ACOD1: variants seen among roughly 807,000 people sequenced by gnomAD.
ACOD1 encodes cis-aconitate decarboxylase.
ACOD1 carries 14 observed loss-of-function variants against 14.2 expected under a neutral mutation model. The ratio of observed to expected loss-of-function variants is 0.99; its 90% CI spans 0.65 to 1.54. The LOEUF is 1.54. Among genes scored for constraint, ACOD1 ranks in the 40% most tolerant of loss-of-function variants. The probability of loss-of-function intolerance (pLI) is 0.00; values close to 1 mark genes in which losing one functional copy is unlikely to be tolerated. For synonymous variants in ACOD1, 182 were observed against 221.7 expected (o/e 0.82, Z 1.59); for missense variants, 530 against 586.3 (o/e 0.90, Z 0.99).
At position 76,953,629 on chromosome 13, in the gene ACOD1, T is replaced by C; in HGVS notation, c.204T>C (p.Val68=). 7 of 1,549,436 alleles carry C rather than the reference T, an allele frequency of 4.5e-6. No individual in the cohort carries two copies. Among genetic ancestry groups the C allele is most frequent in the Non-Finnish European group, 6.1e-6 (7 of 1,145,746 alleles). The part of the protein sequence containing the change: ...KIYSSNISST[V]WGQPDIRLPP... ...ACAGTTCCAACATATCCAGCACTGT[T>C]TGGGGTCAGCCAGACATCAGGCTCC... is the stretch of plus-strand genomic sequence containing the variant. The change falls in exon 3 of 5, where the codon GTT becomes GTC. Residue 68 remains valine (V), a synonymous_variant. Coordinates refer to ENST00000377462, the MANE Select transcript of ACOD1 (RefSeq NM_001258406.2).
chr13:76,948,667 C>G, intron 1 of ACOD1, 97 bp downstream of exon 1: 2 of 965,052 alleles, frequency 2.1e-6, no homozygotes, highest in East Asian at 5.4e-5. Flanking sequence ...TAAGAACTAC[C>G]TGCTTCTGCT....
intron 1 of ACOD1, 94 bp from the exon 2 acceptor site, chr13:76,952,395 C>T: frequency 1.8e-6 from 2 of 1,093,104 alleles, no homozygotes; most frequent in Non-Finnish European, 2.6e-6. Flanking sequence ...TGGAGCAAAA[C>T]TCTTTATGCA....
chr13:76,951,712 GT>G (rs1258758245), intron 1 of ACOD1, among the ~76,000 whole-genome samples: 1 of 152,080 alleles, frequency 6.6e-6, no homozygotes, highest in Non-Finnish European at 1.5e-5. Flanking sequence ...CTGCCATATT[GT>G]ACGTAAGAGC....
rs989990178 is a variant in ACOD1 at position 76,957,364 on chromosome 13, T to C, written c.825T>C (p.Pro275=). Residue 275 remains proline, a synonymous_variant, in exon 5 of 5, where the codon CCT becomes CCC. Transcript: ENST00000377462. ...DQQDVAFKRF[P]AHLSTHWVAD... ...AGGACGTGGCCTTTAAGCGTTTTCC[T>C]GCACATTTATCTACCCACTGGGTGG... 107 of 1,550,550 alleles carry C rather than the reference T, an allele frequency of 6.9e-5. No homozygotes were observed. The highest frequency in any genetic ancestry group is 8.5e-5 in the Non-Finnish European group (98 of 1,147,014).
intron 2 of ACOD1, among the ~76,000 whole-genome samples, chr13:76,953,164 GA>G (rs951368427): frequency 1.4e-4 from 21 of 151,640 alleles, no homozygotes; most frequent in South Asian, 2.1e-4. Context: ...CAAATAAACA[GA>G]AAAAAAATAT....
rs2033894605 is a variant in ACOD1, at chr13:76,957,739, T to G, written c.1200T>G (p.Asp400Glu). 1 of 1,550,694 alleles carries G rather than the reference T, an allele frequency of 6.4e-7. No homozygotes were observed. Among genetic ancestry groups the G allele is most frequent in the Middle Eastern group, 1.7e-4 (1 of 5,992 alleles). Residue 400 changes from aspartate to glutamate, a missense_variant, in exon 5 of 5, where the codon GAT (aspartate) becomes GAG (glutamate). Transcript: ENST00000377462. ...TCAAGGATGGAGCCACCTTCACAGA[T>G]CGCTCTGATACCTTCTATGGGCACT... Reference protein sequence around the residue: ...VTLKDGATFTDRSDTFYGHWR... With the variant: ...VTLKDGATFTERSDTFYGHWR...
rs192372559 is a variant in ACOD1 at position 76,957,216 on chromosome 13, T to C, written c.677T>C (p.Met226Thr). Residue 226 changes from methionine to threonine, a missense_variant, in exon 5 of 5, where the codon ATG becomes ACG. By Grantham distance (81) the Met-to-Thr change is moderately conservative. Transcript: ENST00000377462. Reference sequence around the variant, plus strand: ...GGGATAGAAGCTGCATTTTTGGCAATGTTGGGTCTCCAAGGAAACAAGCAG... The same window carrying C: ...GGGATAGAAGCTGCATTTTTGGCAACGTTGGGTCTCCAAGGAAACAAGCAG... The part of the protein sequence containing the change: ...KHGIEAAFLA[M>T]LGLQGNKQVL... The C allele has an allele frequency of 2.1e-5, 33 of 1,550,624 alleles. No individual in the cohort carries two copies. In the African/African-American group the frequency reaches 4.0e-4, roughly 19 times the overall value.
chr13:76,958,041 T>C lies in ACOD1; in HGVS notation c.*56T>C, dbSNP rs1443101858. The C allele has an allele frequency of 2.1e-6, 3 of 1,432,710 alleles. No individual in the cohort carries two copies. Among genetic ancestry groups the C allele is most frequent in the Non-Finnish European group, 2.8e-6 (3 of 1,090,458 alleles). The allele number at this position is 1,432,710 out of a possible 1,614,324, so 88.7% of individuals were successfully genotyped here. ...TGGGGAGATTCAATGATTTGGTTTG[T>C]AAAGCAAGGGTCTGCTGCTTGGTTT... is the stretch of plus-strand genomic sequence containing the variant. On this transcript the variant is annotated 3_prime_UTR_variant, in exon 5 of 5. Transcript: ENST00000377462.
rs2033895385 is a variant in ACOD1, at chr13:76,957,800, A to G, written c.1261A>G (p.Lys421Glu). Residue 421 changes from lysine (K) to glutamate (E), a missense_variant, in exon 5 of 5, where the codon AAG (lysine) becomes GAG (glutamate). Coordinates refer to ENST00000377462, the MANE Select transcript of ACOD1 (RefSeq NM_001258406.2). ...KPLSQEDLEE[K>E]FRANASKMLS... ...ACTGAGCCAGGAGGACCTAGAGGAA[A>G]AGTTCAGAGCCAATGCCTCCAAGAT... The G allele has an allele frequency of 1.3e-6, 2 of 1,550,966 alleles. No individual in the cohort carries two copies. The highest frequency in any genetic ancestry group is 2.7e-5 in the African/African-American group (2 of 73,170).
At chr13:76,952,331 C>T (rs2033830058) in intron 1 of ACOD1, 158 bp from the exon 2 acceptor site, 2 of 636,900 alleles carry the variant, frequency 3.1e-6, no homozygotes, top group Non-Finnish European at 5.3e-6. Flanking sequence ...GCTTAGTACA[C>T]ATCTTTTTTT....
Position 76,957,270 on chromosome 13 carries a change from C to T in ACOD1, c.731C>T (p.Ala244Val). Residue 244 changes from alanine to valine, a missense_variant, in exon 5 of 5, where the codon GCC becomes GTC. Physicochemically the swap from Ala to Val is moderately conservative, Grantham distance 64 (BLOSUM62 0). Transcript: ENST00000377462. ...QVLDLEAGFG[A>V]FYANYSPKVL... ...TTGGACTTGGAGGCAGGATTTGGGG[C>T]CTTTTATGCCAACTATTCCCCAAAA... 1 of 1,550,592 alleles carries T rather than the reference C, an allele frequency of 6.4e-7. No homozygotes were observed. The highest frequency in any genetic ancestry group is 8.7e-7 in the Non-Finnish European group (1 of 1,146,994).
intron 3 of ACOD1, among the ~76,000 whole-genome samples, chr13:76,954,194 G>A (rs941202832): frequency 2.6e-5 from 4 of 152,044 alleles, no homozygotes; most frequent in Non-Finnish European, 4.4e-5. Context: ...TGTGTGTCAC[G>A]GGAAATATTC....
chr13:76,954,244 G>A (rs529321784), intron 3 of ACOD1, among the ~76,000 whole-genome samples: 1 of 152,272 alleles, frequency 6.6e-6, no homozygotes, highest in African/African-American at 2.4e-5. Flanking sequence ...TGGGATTTCC[G>A]AGATATTTTT....
At chr13:76,953,515 C>A in intron 2 of ACOD1, 85 bp from the exon 3 acceptor site, 2 of 780,920 alleles carry the variant, frequency 2.6e-6, no homozygotes, top group Non-Finnish European at 4.3e-6. Context: ...ATGAATAATG[C>A]CTCCAAAGAT....
At chr13:76,948,792 T>C (rs1198727344) in intron 1 of ACOD1, among the ~76,000 whole-genome samples, 1 of 152,244 alleles carries the variant, frequency 6.6e-6, no homozygotes, top group Non-Finnish European at 1.5e-5. Flanking sequence ...GAATGAATTA[T>C]GACAAGTTCA....
At chr13:76,950,364 G>A (rs1593888767) in intron 1 of ACOD1, among the ~76,000 whole-genome samples, 1 of 152,340 alleles carries the variant, frequency 6.6e-6, no homozygotes, top group East Asian at 1.9e-4. Flanking sequence ...TGACTTAAGA[G>A]TGGATGTTTT....
chr13:76,951,276 C>G (rs1049796821), intron 1 of ACOD1, among the ~76,000 whole-genome samples: 5 of 152,126 alleles, frequency 3.3e-5, no homozygotes, highest in African/African-American at 1.2e-4. Context: ...CACTCTGTTG[C>G]CCAGGCGGGA....
rs2033903774 is a variant in ACOD1 at position 76,958,568 on chromosome 13, C to T, written c.*583C>T. The T allele has an allele frequency of 1.3e-5, 2 of 152,458 alleles. No homozygotes were observed. Among genetic ancestry groups the T allele is most frequent in the African/African-American group, 4.8e-5 (2 of 41,428 alleles). The allele number at this position is 152,458 out of a possible 1,614,324, so 9.4% of individuals were successfully genotyped here. A position where few individuals can be genotyped will look rare whatever the true frequency, so the allele number is the denominator to read the frequency against. On this transcript the variant is annotated 3_prime_UTR_variant, in exon 5 of 5. Coordinates refer to ENST00000377462, the MANE Select transcript of ACOD1 (RefSeq NM_001258406.2). ...AGTCTGGAAAAATCGCATTTTGGCTCTAGAACCCATGGTCTTAAGCACTGC... is the reference window on the plus strand; with the variant it reads ...AGTCTGGAAAAATCGCATTTTGGCTTTAGAACCCATGGTCTTAAGCACTGC...
Position 76,958,038 on chromosome 13 carries a change from T to C in ACOD1, c.*53T>C. ...ATTTGGGGAGATTCAATGATTTGGT[T>C]TGTAAAGCAAGGGTCTGCTGCTTGG... is the stretch of plus-strand genomic sequence containing the variant. On this transcript the variant is annotated 3_prime_UTR_variant, in exon 5 of 5. Coordinates refer to ENST00000377462, the MANE Select transcript of ACOD1 (RefSeq NM_001258406.2). 6.9e-7 allele frequency: 1 copy of C among 1,442,950 alleles called. No individual in the cohort carries two copies. Among genetic ancestry groups the C allele is most frequent in the Non-Finnish European group, 9.1e-7 (1 of 1,098,602 alleles). The allele number at this position is 1,442,950 out of a possible 1,614,324, so 89.4% of individuals were successfully genotyped here. A position where few individuals can be genotyped will look rare whatever the true frequency, so the allele number is the denominator to read the frequency against.
Sources: gnomAD v4.1 joint callset for allele counts (sites outside exome capture counted in the v4.1 genomes callset) on GRCh38, gnomAD v4.1.1 for gene constraint, MANE v1.5 for transcripts, NCBI Gene and HGNC (gene_info 2026-07-23, HGNC 2026-07-21) for gene names.